SWT1: variants seen among roughly 807,000 people sequenced by gnomAD.
SWT1 encodes transcriptional protein SWT1.
SWT1 carries 33 observed loss-of-function variants against 107.3 expected under a neutral mutation model. That is an observed-to-expected ratio of 0.31 (90% CI 0.23 to 0.41). SWT1 has a LOEUF of 0.41. Ranked by LOEUF, SWT1 falls within the 10% of genes least tolerant of loss-of-function variation. SWT1 has a pLI of 1.00. For missense variants in SWT1, 898 were observed against 1,028.9 expected, an observed-to-expected ratio of 0.87 and a Z score of 1.74; for synonymous variants, 345 against 348.3, an observed-to-expected ratio of 0.99 and a Z score of 0.11.
At chr1:185,228,200 T>TATATATATATATATATATATACAC (rs1235462995) in intron 15 of SWT1, among the ~76,000 whole-genome samples, 8 of 145,006 alleles carry the variant, frequency 5.5e-5, no homozygotes, top group African/African-American at 2.1e-4. Flanking sequence ...CATATATATA[T>TATATATATATATATATATATACAC]ACTCAGTATG....
In SWT1 at chr1:185,166,502, G is replaced by A. The variant is rs1293068261; in HGVS notation, c.85-70G>A. 6.2e-6 allele frequency: 6 copies of A among 965,588 alleles called. No homozygotes were observed. In the African/African-American group the frequency reaches 8.3e-5, roughly 13 times the overall value. The allele number at this position is 965,588 out of a possible 1,614,324, so 59.8% of individuals were successfully genotyped here. Reference sequence around the variant, plus strand: ...AATGTTGATTTGTAATACTAGTGATGAAATAGTTCTGTTTATACTATGCTT... The same window carrying A: ...AATGTTGATTTGTAATACTAGTGATAAAATAGTTCTGTTTATACTATGCTT... On this transcript the variant is annotated intron_variant, in intron 2 of 18. Coordinates refer to ENST00000367500, the MANE Select transcript of SWT1 (RefSeq NM_017673.7).
intron 18 of SWT1, chr1:185,281,570 G>A (rs986866906): frequency 4.1e-6 from 1 of 241,524 alleles, no homozygotes; most frequent in Non-Finnish European, 8.4e-6. Context: ...GCTGCCAGAT[G>A]TCAGCCCTGA....
intron 18 of SWT1, among the ~76,000 whole-genome samples, chr1:185,278,440 G>GT (rs1173327682): frequency 1.3e-5 from 2 of 152,140 alleles, no homozygotes; most frequent in Non-Finnish European, 2.9e-5. Flanking sequence ...AATTTATCTT[G>GT]TTTGTAAGCT....
chr1:185,269,372 T>TG (rs1403237665), intron 16 of SWT1, among the ~76,000 whole-genome samples: 1 of 142,726 alleles, frequency 7.0e-6, no homozygotes, highest in Admixed American at 6.9e-5. Context: ...AAGAGGTTTT[T>TG]GTTTTTTTTT....
chr1:185,213,999 A>G (rs183094864), intron 13 of SWT1, among the ~76,000 whole-genome samples: 1 of 152,270 alleles, frequency 6.6e-6, no homozygotes, highest in Admixed American at 6.5e-5. Context: ...TATAGAGATA[A>G]CTCATAGTTT....
In SWT1 at chr1:185,166,627, C is replaced by T; in HGVS notation, c.140C>T (p.Ser47Leu). 6 of 1,603,056 alleles carry T rather than the reference C, an allele frequency of 3.7e-6. No individual in the cohort carries two copies. Among genetic ancestry groups the T allele is most frequent in the Non-Finnish European group, 5.1e-6 (6 of 1,172,560 alleles). ...TCTACTAGTTCATCTTCTATAAGAT[C>T]AGTTTCATCAGAAAAGAGAAAACTG... Reference protein sequence around the residue: ...ASSTSSSSIRSVSSEKRKLKS... With the variant: ...ASSTSSSSIRLVSSEKRKLKS... The change falls in exon 3 of 19, where the codon TCA becomes TTA. Residue 47 changes from serine (S) to leucine (L), a missense_variant. Transcript: ENST00000367500.
Position 185,214,640 on chromosome 1 carries a change from T to A in SWT1, c.2106T>A (p.Leu702=). 6.2e-7 allele frequency: 1 copy of A among 1,610,014 alleles called. No individual in the cohort carries two copies. Among genetic ancestry groups the A allele is most frequent in the South Asian group, 1.1e-5 (1 of 90,144 alleles). Reference sequence around the variant, plus strand: ...CCTTTGCTCAAGTAAACAACCTCCTTCAGACATTTGCAGAGGTAAGATGCC... The same window carrying A: ...CCTTTGCTCAAGTAAACAACCTCCTACAGACATTTGCAGAGGTAAGATGCC... ...PQTFAQVNNL[L]QTFAEVKTKL... is the part of the protein sequence containing the mutation. The change falls in exon 14 of 19, where the codon CTT becomes CTA. Residue 702 remains leucine (L), a synonymous_variant. Coordinates refer to ENST00000367500, the MANE Select transcript of SWT1 (RefSeq NM_017673.7).
At chr1:185,256,031 C>T (rs1224308627) in intron 16 of SWT1, among the ~76,000 whole-genome samples, 17 of 151,584 alleles carry the variant, frequency 1.1e-4, no homozygotes, top group South Asian at 2.1e-4. Context: ...ATTTCTCCTT[C>T]GCTTATGAAG....
At chr1:185,228,169 G>GTATATATATATATATATATATA (rs757812651) in intron 15 of SWT1, among the ~76,000 whole-genome samples, 3 of 79,328 alleles carry the variant, frequency 3.8e-5, no homozygotes, top group Admixed American at 1.2e-4. Flanking sequence ...AAAAAAATGT[G>GTATATATATATATATATATATA]TATATATATA....
At chr1:185,256,569 G>A (rs532478414) in intron 16 of SWT1, among the ~76,000 whole-genome samples, 2,185 of 143,504 alleles carry the variant, frequency 0.015, 18 homozygotes, top group Non-Finnish European at 0.025. Context: ...CCAGTTGATC[G>A]CATTGGCTCC....
chr1:185,255,238 GA>G (rs1662394077), intron 16 of SWT1, among the ~76,000 whole-genome samples: 1 of 151,790 alleles, frequency 6.6e-6, no homozygotes, highest in East Asian at 1.9e-4. Flanking sequence ...GTGTGGTGCT[GA>G]AAAAAATGTA....
Position 185,184,774 on chromosome 1 carries a change from G to A in SWT1, c.1272G>A (p.Trp424Ter), listed in dbSNP as rs1656311213. ...GFDKLVLIIP[W>*]VVMQELDRMK... is the part of the protein sequence containing the mutation. ...ACAAACTTGTGTTAATAATTCCCTG[G>A]GTCGTTATGCAAGAGCTAGATCGTA... Residue 424 changes from tryptophan (W) to a stop codon, truncating the protein, a stop_gained, in exon 9 of 19, where the codon TGG (tryptophan) becomes TGA (stop). Transcript: ENST00000367500. LOFTEE classifies it high-confidence loss of function. The A allele has an allele frequency of 6.2e-7, 1 of 1,609,038 alleles. No individual in the cohort carries two copies.
chr1:185,207,169 A>G (rs1658400469), intron 13 of SWT1, among the ~76,000 whole-genome samples: 1 of 152,218 alleles, frequency 6.6e-6, no homozygotes, highest in African/African-American at 2.4e-5. Context: ...TTCATGTACT[A>G]ATTTTCAGAA....
chr1:185,192,786 T>C (rs887319510), intron 10 of SWT1, among the ~76,000 whole-genome samples: 1 of 151,890 alleles, frequency 6.6e-6, no homozygotes, highest in Non-Finnish European at 1.5e-5. Flanking sequence ...AAGCTGAGAT[T>C]ACAGGTGAGT....
chr1:185,192,735 C>T (rs1254312740), intron 10 of SWT1, among the ~76,000 whole-genome samples: 1 of 151,462 alleles, frequency 6.6e-6, no homozygotes, highest in Non-Finnish European at 1.5e-5. Flanking sequence ...GCAGTCTCTG[C>T]CTCTTGGGTT....
intron 14 of SWT1, among the ~76,000 whole-genome samples, chr1:185,218,643 A>C (rs943411123): frequency 2.6e-5 from 4 of 152,188 alleles, no homozygotes; most frequent in African/African-American, 9.6e-5. Flanking sequence ...GGGGAGAAAT[A>C]GGAAAAGGAT....
intron 16 of SWT1, among the ~76,000 whole-genome samples, chr1:185,242,445 C>T (rs75592197): frequency 2.0e-5 from 3 of 152,000 alleles, no homozygotes; most frequent in African/African-American, 7.2e-5. Flanking sequence ...TGTTTCCCAG[C>T]ATTTGTCATT....
chr1:185,194,787 A>G (rs76513123), intron 10 of SWT1, among the ~76,000 whole-genome samples: 7 of 151,786 alleles, frequency 4.6e-5, no homozygotes, highest in South Asian at 2.1e-4. Flanking sequence ...TTTTCCTTTC[A>G]CCTTTTCCAT....
intron 15 of SWT1, 109 bp downstream of exon 15, chr1:185,222,145 A>G (rs1038729959): frequency 1.6e-6 from 1 of 641,758 alleles, no homozygotes; most frequent in Non-Finnish European, 2.4e-6. Context: ...CAATAGATAT[A>G]TGTGATATAT....
Sources: allele counts gnomAD v4.1 joint callset (sites outside exome capture counted in the v4.1 genomes callset), GRCh38; gene constraint gnomAD v4.1.1; transcripts MANE v1.5; gene names NCBI Gene and HGNC (gene_info 2026-07-23, HGNC 2026-07-21).